Variants in BSPH1 observed in about 807,000 individuals in gnomAD.
The protein encoded by BSPH1 is binder of sperm protein homolog 1.
Under a neutral mutation model 22.5 loss-of-function variants are expected in BSPH1, and 21 were observed. The ratio of observed to expected loss-of-function variants is 0.93; its 90% CI spans 0.66 to 1.35. The LOEUF (loss-of-function observed/expected upper bound fraction) is 1.35. Ranked by LOEUF, BSPH1 falls within the 40% of genes most tolerant of loss-of-function variation. The pLI is 0.00. For missense variants in BSPH1, 141 were observed against 154.2 expected (o/e 0.91, Z 0.45); for synonymous variants, 42 against 53.6 (o/e 0.78, Z 0.95).
At chr19:47,991,918 A>T in intron 1 of BSPH1, 91 bp downstream of exon 1, 1 of 779,820 alleles carries the variant, frequency 1.3e-6, no homozygotes, top group South Asian at 1.7e-5. Context: ...TTCATCTTTC[A>T]TCCCCACCTT....
intron 4 of BSPH1, 37 bp from the exon 5 acceptor site, chr19:47,976,891 C>T: frequency 1.3e-6 from 2 of 1,546,926 alleles, no homozygotes; most frequent in Non-Finnish European, 1.7e-6. Context: ...GAGTAAGAAA[C>T]CTTTCTAATT....
intron 3 of BSPH1, 130 bp from the exon 4 acceptor site, chr19:47,977,634 T>C: frequency 6.9e-7 from 1 of 1,444,876 alleles, no homozygotes. Flanking sequence ...AATGTTATTG[T>C]GCTACTCAAT....
At chr19:47,971,257 G>A (rs1264771438) in intron 5 of BSPH1, among the ~76,000 whole-genome samples, 1 of 152,174 alleles carries the variant, frequency 6.6e-6, no homozygotes, top group Non-Finnish European at 1.5e-5. Flanking sequence ...AGGCTGGAGT[G>A]CAGTGGCATG....
intron 1 of BSPH1, among the ~76,000 whole-genome samples, chr19:47,990,211 T>C (rs1969510846): frequency 6.6e-6 from 1 of 151,646 alleles, no homozygotes; most frequent in Non-Finnish European, 1.5e-5. Flanking sequence ...GCAACAGTTC[T>C]GCAGATCAAA....
intron 5 of BSPH1, among the ~76,000 whole-genome samples, chr19:47,969,885 T>A (rs1275331951): frequency 6.6e-6 from 1 of 151,964 alleles, no homozygotes; most frequent in Non-Finnish European, 1.5e-5. Context: ...AATTTATTTT[T>A]GTGTGTGTGA....
rs1017688272 is a variant in BSPH1, at chr19:47,992,153, A to C, written c.-72T>G. ...CAGCCAGGGCTCAAGAATCCCCTGG[A>C]GAGGCCCAGGGAGGCTTCTTGGAAA... On this transcript the variant is annotated 5_prime_UTR_variant, in exon 1 of 6. Transcript: ENST00000344839. The C allele has an allele frequency of 7.9e-7, 1 of 1,270,940 alleles. No individual in the cohort carries two copies. The highest frequency in any genetic ancestry group is 1.1e-6 in the Non-Finnish European group (1 of 894,666). 78.7% of individuals were successfully genotyped at this position (1,270,940 alleles called of 1,614,324 possible).
chr19:47,981,638 G>T, intron 1 of BSPH1: 1 of 460,604 alleles, frequency 2.2e-6, no homozygotes, highest in Non-Finnish European at 2.9e-6. Flanking sequence ...CCTGGCACAG[G>T]CTCAACCACT....
intron 5 of BSPH1, among the ~76,000 whole-genome samples, chr19:47,974,029 A>G (rs1036587443): frequency 3.3e-5 from 5 of 152,234 alleles, no homozygotes; most frequent in African/African-American, 9.6e-5. Context: ...GTGAAATCTC[A>G]TAATTTAGTT....
chr19:47,980,953 A>G lies in BSPH1; in HGVS notation c.74-12T>C. The stretch of plus-strand genomic sequence containing the variant: ...TGATGATAATTCATCTGAAAAACAC[A>G]ATTTTGAACAAATATTTATGTCACT... On this transcript the variant is annotated splice_polypyrimidine_tract_variant and intron_variant, in intron 1 of 5. Coordinates refer to ENST00000344839, the MANE Select transcript of BSPH1 (RefSeq NM_001128326.2). The G allele has an allele frequency of 1.4e-6, 2 of 1,397,722 alleles. No homozygotes were observed. Among genetic ancestry groups the G allele is most frequent in the Middle Eastern group, 1.8e-4 (1 of 5,628 alleles). The allele number at this position is 1,397,722 out of a possible 1,614,324, so 86.6% of individuals were successfully genotyped here.
In BSPH1 at chr19:47,986,743, T is replaced by C. The variant is rs1010799721; in HGVS notation, c.73+5266A>G. On this transcript the variant is annotated intron_variant, in intron 1 of 5. Coordinates refer to ENST00000344839, the MANE Select transcript of BSPH1 (RefSeq NM_001128326.2). The stretch of plus-strand genomic sequence containing the variant: ...CTGGGTGACAGAATGAGACCCTATC[T>C]AAAAATAAAATAAAATAAAATAAAA... 3.1e-5 allele frequency among the ~76,000 whole-genome samples: 4 copies of C among 127,388 alleles called. 1 individual carries two copies. The Middle Eastern group carries it at 0.013, about 415-fold the overall frequency. 83.6% of individuals were successfully genotyped at this position (127,388 alleles called of 152,430 possible). A position where few individuals can be genotyped will look rare whatever the true frequency, so the allele number is the denominator to read the frequency against.
At chr19:47,973,218 A>AATAATAAT (rs1969327851) in intron 5 of BSPH1, among the ~76,000 whole-genome samples, 1 of 132,120 alleles carries the variant, frequency 7.6e-6, no homozygotes, top group African/African-American at 2.8e-5. Context: ...CTCCGTCTCA[A>AATAATAAT]AATAATAATA....
At chr19:47,978,799 CTTAAA>C (rs1969392567) in intron 3 of BSPH1, among the ~76,000 whole-genome samples, 1 of 152,168 alleles carries the variant, frequency 6.6e-6, no homozygotes, top group Admixed American at 6.5e-5. Flanking sequence ...CCATTTTCTT[CTTAAA>C]TTAAACAATT....
chr19:47,971,309 G>C (rs1969309235), intron 5 of BSPH1, among the ~76,000 whole-genome samples: 2 of 152,248 alleles, frequency 1.3e-5, no homozygotes, highest in Middle Eastern at 3.4e-3. Flanking sequence ...GGGTTCGAGC[G>C]ATTCTCCTGC....
chr19:47,991,406 A>C, intron 1 of BSPH1, among the ~76,000 whole-genome samples: 4 of 132,796 alleles, frequency 3.0e-5, no homozygotes, highest in African/African-American at 5.8e-5. Context: ...CTCCTTTTTC[A>C]CCTTCTCCTC....
At position 47,977,455 on chromosome 19, in the gene BSPH1, G is replaced by A. The variant is rs990824013; in HGVS notation, c.174C>T (p.Asp58=). The change falls in exon 4 of 6, where the codon GAC becomes GAT. Residue 58 remains aspartate (D), a synonymous_variant. Transcript: ENST00000344839. ...PFHYKNGTYY[D]CIKSKARHKW... Reference sequence around the variant, plus strand: ...TGTGTCTTGCCTTGGACTTGATGCAGTCATAATATGTTCCATTTTTATAGT... The same window carrying A: ...TGTGTCTTGCCTTGGACTTGATGCAATCATAATATGTTCCATTTTTATAGT... The A allele has an allele frequency of 6.4e-7, 1 of 1,551,714 alleles. No homozygotes were observed. The highest frequency in any genetic ancestry group is 1.4e-5 in the African/African-American group (1 of 73,002).
chr19:47,972,685 T>C (rs1420168879), intron 5 of BSPH1, among the ~76,000 whole-genome samples: 1 of 152,160 alleles, frequency 6.6e-6, no homozygotes, highest in Non-Finnish European at 1.5e-5. Context: ...AATGGTTACC[T>C]CGGATGTGTG....
At chr19:47,991,089 C>T (rs1191010502) in intron 1 of BSPH1, among the ~76,000 whole-genome samples, 2 of 152,118 alleles carry the variant, frequency 1.3e-5, no homozygotes, top group Admixed American at 1.3e-4. Context: ...GAGACTGTTG[C>T]CCTCCATGGC....
At chr19:47,984,004 A>C (rs1206178327) in intron 1 of BSPH1, among the ~76,000 whole-genome samples, 1 of 151,204 alleles carries the variant, frequency 6.6e-6, no homozygotes, top group Non-Finnish European at 1.5e-5. Context: ...CTGTATTTTT[A>C]CTTGGCTAAT....
In BSPH1 at chr19:47,989,713, CTTA is replaced by C. The variant is rs541448393; in HGVS notation, c.73+2293_73+2295del. ...ACCTTCCGCTTATTTGTGACGACAT[CTTA>C]TTATCTGCAAGCCGGATTGCTGTGG... On this transcript the variant is annotated intron_variant, in intron 1 of 5. Transcript: ENST00000344839. 6.8e-3 allele frequency among the ~76,000 whole-genome samples: 1,040 copies of C among 152,230 alleles called. 6 individuals carry two copies. The highest frequency in any genetic ancestry group is 0.02 in the South Asian group (97 of 4,818).
Sources: gnomAD v4.1 joint callset for allele counts (sites outside exome capture counted in the v4.1 genomes callset) on GRCh38, gnomAD v4.1.1 for gene constraint, MANE v1.5 for transcripts, NCBI Gene and HGNC (gene_info 2026-07-23, HGNC 2026-07-21) for gene names.